The following KDM4B variants were observed in gnomAD, a reference collection of about 807,000 sequenced individuals.
KDM4B encodes the protein lysine-specific demethylase 4B.
A neutral mutation model predicts 125.2 loss-of-function variants in KDM4B; 32 were observed. That is an observed-to-expected ratio of 0.26 (90% CI 0.19 to 0.34). The LOEUF (loss-of-function observed/expected upper bound fraction) is 0.34. KDM4B is among the 10% of genes least tolerant of loss of function. KDM4B has a pLI of 1.00. For synonymous variants in KDM4B, 721 were observed against 677.9 expected, an observed-to-expected ratio of 1.06 and a Z score of -0.99; for missense variants, 1,190 against 1,577.7, an observed-to-expected ratio of 0.75 and a Z score of 4.16.
intron 1 of KDM4B, among the ~76,000 whole-genome samples, chr19:4,976,840 A>G (rs904146764): frequency 6.6e-6 from 1 of 152,082 alleles, no homozygotes; most frequent in Non-Finnish European, 1.5e-5. Context: ...GCTGACAGGC[A>G]TTTTCTGAGC....
intron 1 of KDM4B, among the ~76,000 whole-genome samples, chr19:4,999,694 T>C (rs941737370): frequency 1.3e-4 from 19 of 151,374 alleles, no homozygotes; most frequent in Admixed American, 1.2e-3. Context: ...TCCACCCATT[T>C]ACTCACCTAT....
At chr19:5,042,318 T>G (rs1004261917) in intron 5 of KDM4B, among the ~76,000 whole-genome samples, 6 of 152,006 alleles carry the variant, frequency 3.9e-5, no homozygotes, top group Non-Finnish European at 7.4e-5. Flanking sequence ...TTGGCCAACA[T>G]GGCAAAACCT....
At chr19:4,986,643 G>A (rs1023719872) in intron 1 of KDM4B, among the ~76,000 whole-genome samples, 10 of 152,220 alleles carry the variant, frequency 6.6e-5, no homozygotes, top group African/African-American at 9.6e-5. Context: ...TAGGGCCCTC[G>A]AGGGGCGGCG....
At chr19:5,113,898 G>T in intron 10 of KDM4B, 1 of 1,199,358 alleles carries the variant, frequency 8.3e-7, no homozygotes, top group Non-Finnish European at 1.1e-6. Context: ...TGCCCCATGG[G>T]GTGCGGATGG....
chr19:5,146,973 G>T (rs541431483), intron 21 of KDM4B, among the ~76,000 whole-genome samples: 1 of 138,994 alleles, frequency 7.2e-6, no homozygotes, highest in East Asian at 2.2e-4. Context: ...CAAAAACTCT[G>T]CTGGGAAGCA....
intron 9 of KDM4B, among the ~76,000 whole-genome samples, chr19:5,104,375 A>T (rs533454891): frequency 6.6e-6 from 1 of 152,358 alleles, no homozygotes; most frequent in South Asian, 2.1e-4. Flanking sequence ...CAGAGCCTAT[A>T]ATAGTTCAGA....
chr19:4,977,812 C>T (rs1028964412), intron 1 of KDM4B, among the ~76,000 whole-genome samples: 6 of 152,200 alleles, frequency 3.9e-5, no homozygotes, highest in African/African-American at 1.4e-4. Flanking sequence ...GCTGGCCAGC[C>T]TCGGCGCCCT....
At chr19:5,092,545 C>T (rs972167591) in intron 9 of KDM4B, among the ~76,000 whole-genome samples, 3 of 152,216 alleles carry the variant, frequency 2.0e-5, no homozygotes, top group Non-Finnish European at 4.4e-5. Context: ...GACCGAGGCT[C>T]GTGGTGTGGC....
At chr19:4,984,391 A>G (rs960095959) in intron 1 of KDM4B, among the ~76,000 whole-genome samples, 1 of 152,174 alleles carries the variant, frequency 6.6e-6, no homozygotes, top group South Asian at 2.1e-4. Flanking sequence ...GAGCCGTGGA[A>G]GTGATCATAA....
At chr19:5,083,802 A>G (rs925346643) in intron 9 of KDM4B, among the ~76,000 whole-genome samples, 3 of 152,100 alleles carry the variant, frequency 2.0e-5, no homozygotes, top group Admixed American at 6.5e-5. Flanking sequence ...ACTTCCTCCC[A>G]TCGTCCCTCC....
At position 4,988,163 on chromosome 19, in the gene KDM4B, G is replaced by A. The variant is rs867326434; in HGVS notation, c.-109+18933G>A. Among the ~76,000 whole-genome samples, 22 of 152,264 alleles carry A rather than the reference G, an allele frequency of 1.4e-4. 1 individual carries two copies. Among genetic ancestry groups the A allele is most frequent in the Middle Eastern group, 3.2e-3 (1 of 316 alleles). ...CTGGGGGCTGCATCGGGCAGGACAGGCTGCGGGCTCCTCCCCACGTACCTA... is the reference window on the plus strand; with the variant it reads ...CTGGGGGCTGCATCGGGCAGGACAGACTGCGGGCTCCTCCCCACGTACCTA... On this transcript the variant is annotated intron_variant, in intron 1 of 22. Transcript: ENST00000159111.
intron 6 of KDM4B, among the ~76,000 whole-genome samples, chr19:5,056,891 G>A (rs973144046): frequency 3.5e-5 from 2 of 57,026 alleles, no homozygotes; most frequent in Admixed American, 1.8e-4. Flanking sequence ...CGCTGGGGCG[G>A]GGAGTCCTGG....
chr19:5,144,753 G>A (rs2039811886), intron 20 of KDM4B, 30 bp from the exon 21 acceptor site: 1 of 1,613,136 alleles, frequency 6.2e-7, no homozygotes, highest in South Asian at 1.1e-5. Context: ...GTGTGGCCAG[G>A]ACCTCACCTC....
intron 1 of KDM4B, among the ~76,000 whole-genome samples, chr19:4,994,296 G>T (rs924755232): frequency 6.6e-6 from 1 of 151,430 alleles, no homozygotes; most frequent in African/African-American, 2.4e-5. Context: ...CCCTGGCTGG[G>T]CGCAGTGGCT....
In KDM4B at chr19:5,022,067, G is replaced by A. The variant is rs572399797; in HGVS notation, c.-26+5728G>A. On this transcript the variant is annotated intron_variant, in intron 2 of 22. Coordinates refer to ENST00000159111, the MANE Select transcript of KDM4B (RefSeq NM_015015.3). The stretch of plus-strand genomic sequence containing the variant: ...GCAGTTTGGGGGTCCTTGGGTAGAA[G>A]GACTGAGCATTGAGCTTGGATCAAA... 9.2e-5 allele frequency among the ~76,000 whole-genome samples: 14 copies of A among 152,336 alleles called. No homozygotes were observed. The South Asian group carries it at 2.3e-3, about 25-fold the overall frequency.
In KDM4B at chr19:5,131,873, G is replaced by T. The variant is rs779067007; in HGVS notation, c.1786-14G>T. The T allele has an allele frequency of 6.2e-7, 1 of 1,612,660 alleles. No homozygotes were observed. Among genetic ancestry groups the T allele is most frequent in the East Asian group, 2.2e-5 (1 of 44,874 alleles). ...TGTAGCGGGGCCCTCACTACAGCCT[G>T]TTGTGTGTTTCAGGCACCGTCCACA... On this transcript the variant is annotated splice_polypyrimidine_tract_variant and intron_variant, in intron 12 of 22. Transcript: ENST00000159111.
At position 5,151,485 on chromosome 19, in the gene KDM4B, C is replaced by T; in HGVS notation, c.3265C>T (p.Gln1089Ter). ...CTTCGTGGAGAGCCTCCTGCAGGTG[C>T]AGGGCCGGCCCGGAGCCCCCTTCTA... ...VAFVESLLQV[Q>*]GRPGAPF Residue 1089 changes from glutamine (Q) to a stop codon, truncating the protein, a stop_gained, in exon 23 of 23, where the codon CAG becomes TAG. Transcript: ENST00000159111. LOFTEE classifies it high-confidence loss of function. The T allele has an allele frequency of 2.7e-6, 4 of 1,473,298 alleles. No individual in the cohort carries two copies. Among genetic ancestry groups the T allele is most frequent in the Non-Finnish European group, 3.6e-6 (4 of 1,110,122 alleles). 91.3% of individuals were successfully genotyped at this position (1,473,298 alleles called of 1,614,324 possible).
At chr19:5,040,408 AAC>A (rs951411658) in intron 4 of KDM4B, among the ~76,000 whole-genome samples, 6 of 152,124 alleles carry the variant, frequency 3.9e-5, no homozygotes, top group African/African-American at 4.8e-5. Flanking sequence ...GGGCACATGT[AAC>A]ACACATGGGT....
intron 1 of KDM4B, among the ~76,000 whole-genome samples, chr19:4,981,437 G>C (rs575985143): frequency 1.1e-3 from 166 of 152,286 alleles, no homozygotes; most frequent in Non-Finnish European, 1.5e-3. Flanking sequence ...CCTGGGGTTG[G>C]AGAGCACGCT....
Sources: allele counts gnomAD v4.1 joint callset (sites outside exome capture counted in the v4.1 genomes callset), GRCh38; gene constraint gnomAD v4.1.1; transcripts MANE v1.5; gene names NCBI Gene and HGNC (gene_info 2026-07-23, HGNC 2026-07-21).